GFRA2: variants seen among roughly 807,000 people sequenced by gnomAD.
GFRA2 encodes GDNF family receptor alpha-2.
In GFRA2, 17 loss-of-function variants were observed where a neutral mutation model predicts 48.3. The ratio of observed to expected loss-of-function variants is 0.35; its 90% CI spans 0.24 to 0.53. GFRA2 has a LOEUF of 0.53. Ranked by LOEUF, GFRA2 falls within the 20% of genes least tolerant of loss-of-function variation. The pLI, the probability that GFRA2 is intolerant of heterozygous loss-of-function variation, is 0.93. For missense variants in GFRA2, 660 were observed against 637.3 expected, an observed-to-expected ratio of 1.04 and a Z score of -0.38; for synonymous variants, 305 against 257.2, an observed-to-expected ratio of 1.19 and a Z score of -1.78.
upstream of GFRA2, among the ~76,000 whole-genome samples, chr8:21,793,589 A>G: frequency 6.6e-6 from 1 of 152,216 alleles, no homozygotes; most frequent in East Asian, 1.9e-4. Flanking sequence ...GGCTATTATT[A>G]GGTACTATTA....
At chr8:21,742,642 A>C (rs1168184268) in intron 4 of GFRA2, among the ~76,000 whole-genome samples, 6 of 152,206 alleles carry the variant, frequency 3.9e-5, no homozygotes. Flanking sequence ...GGTGGCTGAA[A>C]GTGTGTCTGC....
At chr8:21,726,169 T>C (rs952895029) in intron 4 of GFRA2, among the ~76,000 whole-genome samples, 2 of 152,196 alleles carry the variant, frequency 1.3e-5, no homozygotes, top group Non-Finnish European at 2.9e-5. Context: ...ACCAGAGCTC[T>C]GGCACCCACG....
At chr8:21,767,216 A>AC (rs1491140377) in intron 3 of GFRA2, among the ~76,000 whole-genome samples, 41 of 130,280 alleles carry the variant, frequency 3.1e-4, no homozygotes, top group African/African-American at 9.7e-4. Context: ...CACCATGCCC[A>AC]AACACACACA....
intron 4 of GFRA2, among the ~76,000 whole-genome samples, chr8:21,734,603 C>A (rs1203646634): frequency 2.6e-5 from 4 of 152,206 alleles, no homozygotes; most frequent in Non-Finnish European, 5.9e-5. Flanking sequence ...AAGTCTGGGA[C>A]CCAGGTTTTT....
At chr8:21,744,036 C>T (rs1804874356) in intron 4 of GFRA2, among the ~76,000 whole-genome samples, 1 of 152,184 alleles carries the variant, frequency 6.6e-6, no homozygotes, top group Admixed American at 6.5e-5. Context: ...TGCAAGTAAC[C>T]ACTTGCTGCC....
At chr8:21,699,914 C>T (rs1203282626) in intron 7 of GFRA2, among the ~76,000 whole-genome samples, 2 of 152,208 alleles carry the variant, frequency 1.3e-5, no homozygotes, top group Admixed American at 6.5e-5. Context: ...TGAGATGCCA[C>T]TATGGCCTCT....
In GFRA2 at chr8:21,778,017, G is replaced by A. The variant is rs375421565; in HGVS notation, c.356-2962C>T. On this transcript the variant is annotated intron_variant, in intron 2 of 8. Transcript: ENST00000524240. ...CACGGGCTCTTTGCACCTGCTGTGC[G>A]CCTTGACTGCATACTGAGAGCTAAG... Among the ~76,000 whole-genome samples, 874 of 152,278 alleles carry A rather than the reference G, an allele frequency of 5.7e-3. 6 individuals carry two copies. The highest frequency in any genetic ancestry group is 0.019 in the African/African-American group (783 of 41,556).
chr8:21,714,837 C>A (rs1803255364), intron 4 of GFRA2, among the ~76,000 whole-genome samples: 1 of 152,028 alleles, frequency 6.6e-6, no homozygotes, highest in African/African-American at 2.4e-5. Flanking sequence ...CACTGCCTGA[C>A]ACAAAGGAAT....
chr8:21,702,710 G>A, intron 7 of GFRA2, 95 bp downstream of exon 7: 1 of 1,291,796 alleles, frequency 7.7e-7, no homozygotes, highest in Non-Finnish European at 1.0e-6. Context: ...CTGATCCAAA[G>A]GGAGGACCCT....
intron 3 of GFRA2, among the ~76,000 whole-genome samples, chr8:21,767,242 ACAT>A (rs1414687061): frequency 1.3e-5 from 2 of 150,536 alleles, no homozygotes; most frequent in African/African-American, 4.9e-5. Context: ...CACCTCACAC[ACAT>A]CACATACACA....
intron 7 of GFRA2, among the ~76,000 whole-genome samples, chr8:21,696,248 G>A (rs1478881260): frequency 2.7e-5 from 4 of 149,218 alleles, no homozygotes; most frequent in Non-Finnish European, 5.9e-5. Context: ...CTAAACCAGT[G>A]GAGCCCATGG....
At chr8:21,784,561 C>T (rs1807175227) in intron 1 of GFRA2, among the ~76,000 whole-genome samples, 2 of 152,140 alleles carry the variant, frequency 1.3e-5, no homozygotes, top group Admixed American at 1.3e-4. Flanking sequence ...GGCCTTCGCT[C>T]CCGAGAGCCC....
intron 4 of GFRA2, among the ~76,000 whole-genome samples, chr8:21,713,124 G>A (rs1253440648): frequency 2.0e-5 from 3 of 152,156 alleles, no homozygotes; most frequent in Non-Finnish European, 4.4e-5. Flanking sequence ...TTTTTATCCA[G>A]AATATTTATT....
rs1300215488 is a variant in GFRA2, at chr8:21,775,064, C to T, written c.356-9G>A. The T allele has an allele frequency of 2.7e-6, 4 of 1,487,864 alleles. No homozygotes were observed. The highest frequency in any genetic ancestry group is 2.8e-5 in the African/African-American group (2 of 72,358). 92.2% of individuals were successfully genotyped at this position (1,487,864 alleles called of 1,614,324 possible). A position where few individuals can be genotyped will look rare whatever the true frequency, so the allele number is the denominator to read the frequency against. ...TTCGTAGAACTCCTCACCTGGAAGACAGAACAGGCATCAGATGCGGGCTCC... is the reference window on the plus strand; with the variant it reads ...TTCGTAGAACTCCTCACCTGGAAGATAGAACAGGCATCAGATGCGGGCTCC... On this transcript the variant is annotated splice_polypyrimidine_tract_variant and intron_variant, in intron 2 of 8. Transcript: ENST00000524240.
intron 7 of GFRA2, among the ~76,000 whole-genome samples, chr8:21,700,726 T>G (rs1030537659): frequency 2.6e-5 from 4 of 152,090 alleles, no homozygotes; most frequent in Non-Finnish European, 5.9e-5. Flanking sequence ...TCCCTAAGCC[T>G]TCCCCCAAGG....
intron 8 of GFRA2, 130 bp downstream of exon 8, chr8:21,694,334 G>C: frequency 1.2e-6 from 1 of 861,748 alleles, no homozygotes. Flanking sequence ...TGCCCACCCT[G>C]GTCCAGAAGC....
intron 4 of GFRA2, among the ~76,000 whole-genome samples, chr8:21,739,009 C>A (rs1221529881): frequency 1.3e-5 from 2 of 152,214 alleles, no homozygotes; most frequent in Non-Finnish European, 2.9e-5. Context: ...GAGTGAGCAT[C>A]TATTTGACCC....
At chr8:21,714,718 C>T (rs1451848554) in intron 4 of GFRA2, among the ~76,000 whole-genome samples, 3 of 152,150 alleles carry the variant, frequency 2.0e-5, no homozygotes, top group Non-Finnish European at 4.4e-5. Flanking sequence ...TAGCATATTT[C>T]ACAATGAGGA....
chr8:21,808,427 G>A (rs1292850753), intron 1 of GFRA2, among the ~76,000 whole-genome samples: 1 of 152,302 alleles, frequency 6.6e-6, no homozygotes, highest in African/African-American at 2.4e-5. Context: ...GGGTTGTTAT[G>A]ATGTCCATCT....
Sources: gnomAD v4.1 joint callset for allele counts (sites outside exome capture counted in the v4.1 genomes callset) on GRCh38, gnomAD v4.1.1 for gene constraint, MANE v1.5 for transcripts, NCBI Gene and HGNC (gene_info 2026-07-23, HGNC 2026-07-21) for gene names.